The following ENPP1 variants were observed in gnomAD, a reference collection of about 807,000 sequenced individuals.
ENPP1 encodes ectonucleotide pyrophosphatase/phosphodiesterase family member 1.
Under a neutral mutation model 122.8 loss-of-function variants are expected in ENPP1, and 73 were observed. The observed-to-expected ratio is 0.59, with a 90% confidence interval of 0.49 to 0.72. The LOEUF is 0.72. ENPP1 is among the 30% of genes least tolerant of loss of function. ENPP1 has a pLI of 0.00. For missense variants in ENPP1, 978 were observed against 1,128.1 expected (o/e 0.87, Z 1.91); for synonymous variants, 367 against 391.6 (o/e 0.94, Z 0.74).
chr6:131,875,792 A>G lies in ENPP1; in HGVS notation c.1652A>G (p.Tyr551Cys), dbSNP rs753071702. The G allele has an allele frequency of 6.2e-6, 10 of 1,613,856 alleles. No homozygotes were observed. Among genetic ancestry groups the G allele is most frequent in the African/African-American group, 5.3e-5 (4 of 74,924 alleles). Residue 551 changes from tyrosine to cysteine, a missense_variant, in exon 17 of 25, where the codon TAT becomes TGT. Tyr to Cys is a radical substitution (Grantham distance 194, BLOSUM62 -2). Coordinates refer to ENST00000647893, the MANE Select transcript of ENPP1 (RefSeq NM_006208.3). The part of the protein sequence containing the change: ...FSNMQALFVG[Y>C]GPGFKHGIEA... Reference sequence around the variant, plus strand: ...GCCATCTAGGCCCTCTTTGTTGGCTATGGACCTGGATTCAAGCATGGCATT... The same window carrying G: ...GCCATCTAGGCCCTCTTTGTTGGCTGTGGACCTGGATTCAAGCATGGCATT...
intron 1 of ENPP1, among the ~76,000 whole-genome samples, chr6:131,818,358 T>C (rs1781442487): frequency 6.6e-6 from 1 of 152,064 alleles, no homozygotes; most frequent in African/African-American, 2.4e-5. Flanking sequence ...AAAAATGTCC[T>C]TGATGAGGCT....
intron 3 of ENPP1, among the ~76,000 whole-genome samples, chr6:131,850,770 C>T (rs1463083573): frequency 6.6e-6 from 1 of 152,134 alleles, no homozygotes; most frequent in Non-Finnish European, 1.5e-5. Context: ...GGTCTCACTA[C>T]ATTGCCCAGG....
intron 1 of ENPP1, among the ~76,000 whole-genome samples, chr6:131,818,305 TAA>T (rs1781441820): frequency 6.6e-6 from 1 of 151,948 alleles, no homozygotes; most frequent in Non-Finnish European, 1.5e-5. Flanking sequence ...GCCATTTCAC[TAA>T]AAAGAACACC....
At chr6:131,882,211 G>C in intron 20 of ENPP1, 134 bp from the exon 21 acceptor site, 1 of 683,986 alleles carries the variant, frequency 1.5e-6, no homozygotes, top group Non-Finnish European at 2.5e-6. Flanking sequence ...TATACTAGTA[G>C]GAAAATAGGG....
chr6:131,816,572 T>C (rs1781417415), intron 1 of ENPP1, among the ~76,000 whole-genome samples: 1 of 152,224 alleles, frequency 6.6e-6, no homozygotes. Flanking sequence ...TTTAAGGTTT[T>C]TCAAAAGAGT....
chr6:131,821,657 G>A (rs113419238), intron 1 of ENPP1, among the ~76,000 whole-genome samples: 3,080 of 152,124 alleles, frequency 0.02, 90 homozygotes, highest in African/African-American at 0.069. Flanking sequence ...TGCCCTTAGC[G>A]TTGCCAATCT....
In ENPP1 at chr6:131,827,683, C is replaced by T. The variant is rs112938312; in HGVS notation, c.240+19408C>T. 3.1e-3 allele frequency: 2,011 copies of T among 651,080 alleles called. 16 individuals are homozygous for T. The highest frequency in any genetic ancestry group is 9.3e-3 in the South Asian group (593 of 63,762). 40.3% of individuals were successfully genotyped at this position (651,080 alleles called of 1,614,324 possible). ...GATGTCCTTCTGCTCTACGTGCATG[C>T]GGAATCTTCTCACTTTTTCAAAGAT... On this transcript the variant is annotated intron_variant, in intron 1 of 24. Transcript: ENST00000647893.
In ENPP1 at chr6:131,874,354, T is replaced by C; in HGVS notation, c.1635+17T>C. 7.1e-7 allele frequency: 1 copy of C among 1,403,034 alleles called. No individual in the cohort carries two copies. Among genetic ancestry groups the C allele is most frequent in the South Asian group, 1.2e-5 (1 of 85,628 alleles). The allele number at this position is 1,403,034 out of a possible 1,614,324, so 86.9% of individuals were successfully genotyped here. ...AATATGCAAGTGAGTAAACCTATTA[T>C]ACTTAATTGGATTAAATCTAAAGAA... is the stretch of plus-strand genomic sequence containing the variant. On this transcript the variant is annotated intron_variant, in intron 16 of 24. Transcript: ENST00000647893.
chr6:131,871,041 A>C (rs1029604197), intron 13 of ENPP1, among the ~76,000 whole-genome samples: 1 of 151,830 alleles, frequency 6.6e-6, no homozygotes, highest in Non-Finnish European at 1.5e-5. Flanking sequence ...GCGCCACTGC[A>C]CTCCAGCCTG....
chr6:131,884,939 C>T lies in ENPP1; in HGVS notation c.2320C>T (p.Arg774Cys), dbSNP rs28933977. The T allele has an allele frequency of 0.034, 54,637 of 1,613,628 alleles. 1,228 individuals carry two copies. The highest frequency in any genetic ancestry group is 0.04 in the South Asian group (3,639 of 91,070). ...PMYQSFQVIW[R>C]YFHDTLLRKY... The stretch of plus-strand genomic sequence containing the variant: ...CTTCTATCTTGTTTCAGTTATATGG[C>T]GCTACTTTCATGACACCCTACTGCG... The change falls in exon 23 of 25, where the codon CGC becomes TGC. Residue 774 changes from arginine (R) to cysteine (C), a missense_variant. Physicochemically the swap from Arg to Cys is radical, Grantham distance 180 (BLOSUM62 -3). Around this residue, in one of 3 missense-constraint regions of ENPP1, gnomAD observed 644 missense variants for 781.5 expected, o/e 0.82. Coordinates refer to ENST00000647893, the MANE Select transcript of ENPP1 (RefSeq NM_006208.3).
intron 15 of ENPP1, among the ~76,000 whole-genome samples, chr6:131,873,833 G>T (rs1394132523): frequency 6.6e-6 from 1 of 151,882 alleles, no homozygotes; most frequent in East Asian, 1.9e-4. Context: ...ATATATATAT[G>T]AAAGGAGAAA....
intron 20 of ENPP1, 80 bp from the exon 21 acceptor site, chr6:131,882,265 A>C: frequency 3.7e-5 from 40 of 1,095,648 alleles, no homozygotes; most frequent in Non-Finnish European, 4.4e-5. Context: ...TTTATGATGT[A>C]GTTCACCTTT....
intron 24 of ENPP1, among the ~76,000 whole-genome samples, chr6:131,887,056 GCCTGGCC>G (rs1782389626): frequency 6.6e-6 from 1 of 150,780 alleles, no homozygotes; most frequent in Admixed American, 6.6e-5. Flanking sequence ...GAGCCACCCT[GCCTGGCC>G]CCTTTGTCTG....
rs1781313846 is a variant in ENPP1 at position 131,808,761 on chromosome 6, C to A, written c.240+486C>A. On this transcript the variant is annotated intron_variant, in intron 1 of 24. Transcript: ENST00000647893. Reference sequence around the variant, plus strand: ...TTAGGAACTCTACGGAACACTTTTTCCCTTTCGCTCCGTTTTGGAATTTCC... The same window carrying A: ...TTAGGAACTCTACGGAACACTTTTTACCTTTCGCTCCGTTTTGGAATTTCC... Among the ~76,000 whole-genome samples, 5 of 152,116 alleles carry A rather than the reference C, an allele frequency of 3.3e-5. No homozygotes were observed. In the South Asian group the frequency reaches 1.0e-3, roughly 32 times the overall value.
intron 1 of ENPP1, among the ~76,000 whole-genome samples, chr6:131,837,385 G>T (rs1237263986): frequency 6.6e-6 from 1 of 151,842 alleles, no homozygotes; most frequent in East Asian, 1.9e-4. Context: ...ACTTAGCCGG[G>T]TGTGGTGGCG....
chr6:131,878,247 T>A (rs975623663), intron 18 of ENPP1, among the ~76,000 whole-genome samples: 1 of 151,762 alleles, frequency 6.6e-6, no homozygotes, highest in Non-Finnish European at 1.5e-5. Context: ...ACTAAAAAAA[T>A]TAGCTGGGCA....
intron 1 of ENPP1, chr6:131,827,070 G>A (rs1781555200): frequency 3.2e-6 from 2 of 618,246 alleles, no homozygotes; most frequent in South Asian, 1.6e-5. Flanking sequence ...CACCTCCAGG[G>A]TCTGCTCCAG....
At chr6:131,829,331 A>T (rs1260323501) in intron 1 of ENPP1, among the ~76,000 whole-genome samples, 1 of 152,224 alleles carries the variant, frequency 6.6e-6, no homozygotes, top group Non-Finnish European at 1.5e-5. Context: ...TGCAAAAGAG[A>T]CCAACTATTT....
rs369150142 is a variant in ENPP1 at position 131,890,744 on chromosome 6, C to T, written c.*233C>T. On this transcript the variant is annotated 3_prime_UTR_variant, in exon 25 of 25. Coordinates refer to ENST00000647893, the MANE Select transcript of ENPP1 (RefSeq NM_006208.3). ...AAGCATTGTATACATTGATCAAGTT[C>T]GGGGGAATAAAGACAGACCACACCT... 7.2e-5 allele frequency: 39 copies of T among 538,248 alleles called. 1 individual carries two copies. Among genetic ancestry groups the T allele is most frequent in the South Asian group, 1.7e-4 (8 of 46,616 alleles). 33.3% of individuals were successfully genotyped at this position (538,248 alleles called of 1,614,324 possible).
Sources: allele counts gnomAD v4.1 joint callset (sites outside exome capture counted in the v4.1 genomes callset), GRCh38; gene constraint gnomAD v4.1.1; regional missense constraint gnomAD v4.1.1; transcripts MANE v1.5; gene names NCBI Gene and HGNC (gene_info 2026-07-23, HGNC 2026-07-21).